The following MTMR7 variants were observed in gnomAD, a reference collection of about 807,000 sequenced individuals.
MTMR7 encodes the protein phosphatidylinositol-3-phosphate phosphatase MTMR7.
MTMR7 carries 76 observed loss-of-function variants against 81.2 expected under a neutral mutation model. The ratio of observed to expected loss-of-function variants is 0.94; its 90% CI spans 0.78 to 1.13. The LOEUF is 1.13. Ranked by LOEUF, MTMR7 falls within the 50% of genes most tolerant of loss-of-function variation. MTMR7 has a pLI of 0.00. For missense variants in MTMR7, 1,044 were observed against 820.0 expected (o/e 1.27, Z -3.34); for synonymous variants, 372 against 289.8 (o/e 1.28, Z -2.88).
chr8:17,330,438 G>A (rs762991099), intron 7 of MTMR7, among the ~76,000 whole-genome samples: 2 of 152,334 alleles, frequency 1.3e-5, no homozygotes, highest in South Asian at 4.1e-4. Flanking sequence ...AGACTACAGC[G>A]ACAGATTCCT....
At chr8:17,392,473 G>A (rs2150578465) in intron 1 of MTMR7, among the ~76,000 whole-genome samples, 1 of 152,308 alleles carries the variant, frequency 6.6e-6, no homozygotes, top group Non-Finnish European at 1.5e-5. Context: ...CAGCACAAAT[G>A]TAACCCTCTT....
At chr8:17,302,346 C>G in intron 12 of MTMR7, 66 bp from the exon 13 acceptor site, 1 of 1,529,058 alleles carries the variant, frequency 6.5e-7, no homozygotes, top group Non-Finnish European at 8.8e-7. Flanking sequence ...ATCCTCAAGT[C>G]TTCTAAGGTA....
At chr8:17,323,217 G>C (rs1479535773) in intron 7 of MTMR7, among the ~76,000 whole-genome samples, 1 of 151,990 alleles carries the variant, frequency 6.6e-6, no homozygotes, top group Non-Finnish European at 1.5e-5. Context: ...ACAGTGCTGA[G>C]ATTACAGGTA....
intron 4 of MTMR7, among the ~76,000 whole-genome samples, chr8:17,349,766 A>T (rs1229430383): frequency 6.6e-6 from 1 of 152,168 alleles, no homozygotes; most frequent in Admixed American, 6.5e-5. Flanking sequence ...AGTGGTAAGG[A>T]TCGATGTACT....
chr8:17,309,354 G>C, intron 9 of MTMR7, 28 bp from the exon 10 acceptor site: 2 of 1,488,696 alleles, frequency 1.3e-6, no homozygotes, highest in Non-Finnish European at 1.9e-6. Flanking sequence ...CAAATATCTT[G>C]GAGAGAAGCA....
intron 12 of MTMR7, among the ~76,000 whole-genome samples, chr8:17,303,991 TA>T (rs1201270452): frequency 6.6e-6 from 1 of 152,206 alleles, no homozygotes; most frequent in East Asian, 1.9e-4. Flanking sequence ...CTTTTTGTTG[TA>T]TAACGGCAAA....
intron 7 of MTMR7, among the ~76,000 whole-genome samples, chr8:17,328,620 G>C (rs1171196860): frequency 6.6e-6 from 1 of 152,116 alleles, no homozygotes; most frequent in Non-Finnish European, 1.5e-5. Flanking sequence ...ATGCCTGCTA[G>C]GCTTAACAGT....
intron 3 of MTMR7, among the ~76,000 whole-genome samples, chr8:17,363,487 G>C (rs1319696591): frequency 1.3e-5 from 2 of 152,118 alleles, no homozygotes; most frequent in African/African-American, 4.8e-5. Context: ...ACTGGGAAGA[G>C]GCAACGAAAT....
chr8:17,341,458 T>C lies in MTMR7; in HGVS notation c.637A>G (p.Ser213Gly). The C allele has an allele frequency of 6.2e-7, 1 of 1,614,118 alleles. No homozygotes were observed. The highest frequency in any genetic ancestry group is 1.7e-5 in the Admixed American group (1 of 60,028). The change falls in exon 6 of 14, where the codon AGT becomes GGT. Residue 213 changes from serine (S) to glycine (G), a missense_variant. Transcript: ENST00000180173. ...TGCTCGTCCTCTAGGCACCGGGCAC[T>C]GAAGCCGGACAGGGGCTGGCTGCTC... ...CRSSQPLSGF[S>G]ARCLEDEQML... is the part of the protein sequence containing the mutation.
In MTMR7 at chr8:17,413,253, C is replaced by T. The variant is rs376863275; in HGVS notation, c.24+16G>A. On this transcript the variant is annotated intron_variant, in intron 1 of 13. Transcript: ENST00000180173. ...TCTCCTCCCGTCCCTCCTCCGCCCGCGCTGGTGTCACCAACCTTGGGCGTA... is the reference window on the plus strand; with the variant it reads ...TCTCCTCCCGTCCCTCCTCCGCCCGTGCTGGTGTCACCAACCTTGGGCGTA... The T allele has an allele frequency of 7.1e-6, 11 of 1,548,664 alleles. No homozygotes were observed. The highest frequency in any genetic ancestry group is 4.4e-6 in the Non-Finnish European group (5 of 1,145,292).
chr8:17,303,863 G>C (rs186641402), intron 12 of MTMR7, among the ~76,000 whole-genome samples: 1 of 152,114 alleles, frequency 6.6e-6, no homozygotes, highest in Non-Finnish European at 1.5e-5. Flanking sequence ...ACCCGCCTCG[G>C]CTAATACATA....
At chr8:17,407,313 A>T (rs1174270299) in intron 1 of MTMR7, among the ~76,000 whole-genome samples, 1 of 152,158 alleles carries the variant, frequency 6.6e-6, no homozygotes, top group African/African-American at 2.4e-5. Flanking sequence ...TCCCCTTTAA[A>T]TTAGCAAAAA....
At chr8:17,371,303 C>A in intron 2 of MTMR7, 104 bp from the exon 3 acceptor site, 2 of 1,297,186 alleles carry the variant, frequency 1.5e-6, no homozygotes, top group African/African-American at 1.5e-5. Context: ...AAACGCTCCC[C>A]AACCTCCAGC....
At chr8:17,404,589 C>T (rs1164415828) in intron 1 of MTMR7, among the ~76,000 whole-genome samples, 1 of 152,100 alleles carries the variant, frequency 6.6e-6, no homozygotes, top group East Asian at 1.9e-4. Flanking sequence ...AACCATACTT[C>T]ATCTACAATT....
At chr8:17,381,146 C>T (rs1382350768) in intron 1 of MTMR7, among the ~76,000 whole-genome samples, 2 of 152,174 alleles carry the variant, frequency 1.3e-5, no homozygotes, top group African/African-American at 4.8e-5. Context: ...ATGGAAAAGA[C>T]TATGCCCCAG....
intron 1 of MTMR7, among the ~76,000 whole-genome samples, chr8:17,374,429 T>C (rs865856884): frequency 6.6e-6 from 1 of 151,778 alleles, no homozygotes. Flanking sequence ...GAGACCATCC[T>C]GGCCAACATG....
At chr8:17,405,833 TATACACACACACACAC>T (rs1306088706) in intron 1 of MTMR7, among the ~76,000 whole-genome samples, 6 of 78,890 alleles carry the variant, frequency 7.6e-5, no homozygotes, top group Non-Finnish European at 1.7e-4. Flanking sequence ...TCCCCAAAAC[TATACACACACACACAC>T]ACACACACAC....
intron 6 of MTMR7, among the ~76,000 whole-genome samples, chr8:17,338,181 T>A (rs1252833207): frequency 1.3e-5 from 2 of 152,240 alleles, no homozygotes; most frequent in African/African-American, 4.8e-5. Flanking sequence ...AGGGCATGGC[T>A]TGTACGAAAC....
intron 1 of MTMR7, among the ~76,000 whole-genome samples, chr8:17,395,676 G>C (rs959701436): frequency 6.6e-6 from 1 of 152,130 alleles, no homozygotes; most frequent in African/African-American, 2.4e-5. Context: ...CTAATGGCTG[G>C]TGATGTTGGC....
Sources: gnomAD v4.1 joint callset for allele counts (sites outside exome capture counted in the v4.1 genomes callset) on GRCh38, gnomAD v4.1.1 for gene constraint, MANE v1.5 for transcripts, NCBI Gene and HGNC (gene_info 2026-07-23, HGNC 2026-07-21) for gene names.